Variants in SIPA1L2 observed in about 807,000 individuals in gnomAD.
SIPA1L2 encodes the protein signal-induced proliferation-associated 1-like protein 2.
SIPA1L2 carries 56 observed loss-of-function variants against 163.9 expected under a neutral mutation model. The observed-to-expected ratio is 0.34, with a 90% CI of 0.28 to 0.43. The LOEUF (loss-of-function observed/expected upper bound fraction) is 0.43. Ranked by LOEUF, SIPA1L2 falls within the 20% of genes least tolerant of loss-of-function variation. SIPA1L2 has a pLI of 1.00. For synonymous variants in SIPA1L2, 877 were observed against 865.7 expected, an observed-to-expected ratio of 1.01 and a Z score of -0.23; for missense variants, 1,974 against 2,193.5, an observed-to-expected ratio of 0.90 and a Z score of 2.00.
At chr1:232,528,085 T>C (rs1213269566) in intron 2 of SIPA1L2, among the ~76,000 whole-genome samples, 1 of 123,682 alleles carries the variant, frequency 8.1e-6, no homozygotes, top group Admixed American at 8.7e-5. Context: ...GTTTTATATA[T>C]ATATATATAT....
At chr1:232,560,873 A>G (rs974880931) in intron 2 of SIPA1L2, among the ~76,000 whole-genome samples, 7 of 152,254 alleles carry the variant, frequency 4.6e-5, no homozygotes, top group Non-Finnish European at 8.8e-5. Context: ...GGATTTTAAG[A>G]GTCTAGATTT....
chr1:232,601,675 T>C (rs896645335), intron 1 of SIPA1L2, among the ~76,000 whole-genome samples: 1 of 152,184 alleles, frequency 6.6e-6, no homozygotes, highest in African/African-American at 2.4e-5. Flanking sequence ...CTCTTAAATG[T>C]TTCTGAAATT....
intron 2 of SIPA1L2, among the ~76,000 whole-genome samples, chr1:232,567,505 A>G (rs1336337861): frequency 6.6e-6 from 1 of 152,188 alleles, no homozygotes; most frequent in African/African-American, 2.4e-5. Context: ...GGAAAAATGG[A>G]AGGAAAATAA....
chr1:232,540,040 A>G (rs1657549990), intron 2 of SIPA1L2, among the ~76,000 whole-genome samples: 1 of 152,148 alleles, frequency 6.6e-6, no homozygotes, highest in African/African-American at 2.4e-5. Flanking sequence ...ACGGTGGCTC[A>G]CACCTGTAAT....
chr1:232,402,246 G>A (rs1373603206), intron 22 of SIPA1L2, 146 bp downstream of exon 22: 2 of 583,814 alleles, frequency 3.4e-6, no homozygotes, highest in African/African-American at 3.8e-5. Flanking sequence ...GATGGAGTGA[G>A]ACCTCAGGAG....
At chr1:232,457,256 A>C (rs1027840305) in intron 10 of SIPA1L2, among the ~76,000 whole-genome samples, 1 of 152,186 alleles carries the variant, frequency 6.6e-6, no homozygotes, top group Non-Finnish European at 1.5e-5. Flanking sequence ...CTGTCTATTA[A>C]ATGACAGGCC....
Position 232,398,507 on chromosome 1 carries a change from A to C in SIPA1L2, c.*620T>G, listed in dbSNP as rs1053674036. ...CAGGCACCATTTGTTCCTGCAAATA[A>C]ATAAGTCTCTAAGGTAACTGCATCT... On this transcript the variant is annotated 3_prime_UTR_variant, in exon 23 of 23. Transcript: ENST00000674635. The C allele has an allele frequency of 6.6e-6, 1 of 152,480 alleles. No individual in the cohort carries two copies. The highest frequency in any genetic ancestry group is 2.4e-5 in the African/African-American group (1 of 41,416). The allele number at this position is 152,480 out of a possible 1,614,324, so 9.4% of individuals were successfully genotyped here.
chr1:232,455,431 C>T (rs921422649), intron 10 of SIPA1L2, among the ~76,000 whole-genome samples: 3 of 152,152 alleles, frequency 2.0e-5, no homozygotes, highest in Non-Finnish European at 4.4e-5. Context: ...CCTGTAATCC[C>T]AGCACTTTGG....
rs1338386842 is a variant in SIPA1L2 at position 232,514,114 on chromosome 1, C to T, written c.1226G>A (p.Cys409Tyr). ...TCCAGTCTCATTTCTAAAGTAAGGACAACTAAGGACGAGGTCGTTACTTTT... is the reference window on the plus strand; with the variant it reads ...TCCAGTCTCATTTCTAAAGTAAGGATAACTAAGGACGAGGTCGTTACTTTT... ...DGKSNDLVLS[C>Y]PYFRNETGGE... The change falls in exon 3 of 23, where the codon TGT becomes TAT. Residue 409 changes from cysteine to tyrosine, a missense_variant. By Grantham distance (194) the Cys-to-Tyr change is radical (BLOSUM62 -2). Coordinates refer to ENST00000674635, the MANE Select transcript of SIPA1L2 (RefSeq NM_020808.5). The T allele has an allele frequency of 6.2e-7, 1 of 1,614,088 alleles. No individual in the cohort carries two copies.
chr1:232,454,480 T>C (rs143328899), intron 10 of SIPA1L2, among the ~76,000 whole-genome samples: 4 of 152,340 alleles, frequency 2.6e-5, no homozygotes, highest in Admixed American at 2.6e-4. Context: ...CTTTGTTTCT[T>C]AGAAAGCTTG....
intron 1 of SIPA1L2, among the ~76,000 whole-genome samples, chr1:232,620,420 G>T (rs958394184): frequency 1.3e-5 from 2 of 152,138 alleles, no homozygotes; most frequent in African/African-American, 4.8e-5. Context: ...CTTTGCTATT[G>T]GAATAACAAA....
chr1:232,548,460 T>C (rs1044173790), intron 2 of SIPA1L2, among the ~76,000 whole-genome samples: 4 of 152,228 alleles, frequency 2.6e-5, no homozygotes. Context: ...GGTATCTACC[T>C]TCCCACAATA....
At chr1:232,420,683 A>G (rs2102796509) in intron 18 of SIPA1L2, among the ~76,000 whole-genome samples, 1 of 152,066 alleles carries the variant, frequency 6.6e-6, no homozygotes, top group Non-Finnish European at 1.5e-5. Context: ...AAAATACAAA[A>G]AATTAGCCAG....
At position 232,514,385 on chromosome 1, in the gene SIPA1L2, C is replaced by A; in HGVS notation, c.955G>T (p.Gly319Cys). 1 of 1,613,936 alleles carries A rather than the reference C, an allele frequency of 6.2e-7. No homozygotes were observed. The highest frequency in any genetic ancestry group is 8.5e-7 in the Non-Finnish European group (1 of 1,180,044). The change falls in exon 3 of 23, where the codon GGC becomes TGC. Residue 319 changes from glycine (G) to cysteine (C), a missense_variant. By Grantham distance (159) the Gly-to-Cys change is radical. This residue lies in a region of SIPA1L2 where 607 missense variants were observed against 624.0 expected (regional missense o/e 0.97). Transcript: ENST00000674635. ...CGCTGACAATTCCAAGGGCGAATGC[C>A]CCTCTCCAGTCGGCTCTCCTCCAGC... ...SELEESRLER[G>C]IRPWNCQRCF... is the part of the protein sequence containing the mutation.
At chr1:232,602,093 A>G (rs1661627972) in intron 1 of SIPA1L2, among the ~76,000 whole-genome samples, 1 of 152,172 alleles carries the variant, frequency 6.6e-6, no homozygotes, top group African/African-American at 2.4e-5. Flanking sequence ...AGGGGAAGTC[A>G]CTACCAGAGA....
rs566325585 is a variant in SIPA1L2 at position 232,528,284 on chromosome 1, CA to C, written c.-269-12677del. Among the ~76,000 whole-genome samples the C allele has an allele frequency of 2.8e-4, 43 of 152,078 alleles. No homozygotes were observed. In the East Asian group the frequency reaches 6.8e-3, roughly 24 times the overall value. ...GAAAGAGACACTTCTCTCCATTAAA[CA>C]GACAAGGAAAAAGTCTTAGGGCAGG... On this transcript the variant is annotated intron_variant, in intron 2 of 22. Transcript: ENST00000674635.
chr1:232,528,529 T>TTCAA (rs1667828722), intron 2 of SIPA1L2, among the ~76,000 whole-genome samples: 1 of 152,202 alleles, frequency 6.6e-6, no homozygotes, highest in African/African-American at 2.4e-5. Context: ...ATTCATTAAC[T>TTCAA]TCAAGCATCT....
intron 2 of SIPA1L2, among the ~76,000 whole-genome samples, chr1:232,565,733 A>T (rs1659365367): frequency 6.6e-6 from 1 of 152,196 alleles, no homozygotes; most frequent in South Asian, 2.1e-4. Context: ...CTCTCTCTAA[A>T]CAAACAAACT....
intron 3 of SIPA1L2, among the ~76,000 whole-genome samples, chr1:232,495,627 C>G (rs1284365353): frequency 6.6e-6 from 1 of 151,072 alleles, no homozygotes; most frequent in East Asian, 1.9e-4. Context: ...TAGACTTGCA[C>G]AAAAGGAAAC....
Sources: gnomAD v4.1 joint callset for allele counts (sites outside exome capture counted in the v4.1 genomes callset) on GRCh38, gnomAD v4.1.1 for gene constraint, gnomAD v4.1.1 regional missense constraint, MANE v1.5 for transcripts, NCBI Gene and HGNC (gene_info 2026-07-23, HGNC 2026-07-21) for gene names.